TENM3: variants seen among roughly 807,000 people sequenced by gnomAD.
TENM3 encodes teneurin transmembrane protein 3.
Under a neutral mutation model 255.1 loss-of-function variants are expected in TENM3, and 63 were observed. The observed-to-expected ratio is 0.25, with a 90% CI of 0.20 to 0.30. TENM3 has a LOEUF of 0.30. Ranked by LOEUF, TENM3 falls within the 10% of genes least tolerant of loss-of-function variation. The pLI, the probability that TENM3 is intolerant of heterozygous loss-of-function variation, is 1.00. For missense variants in TENM3, 2,929 were observed against 3,461.1 expected (o/e 0.85, Z 3.86); for synonymous variants, 1,306 against 1,322.3 (o/e 0.99, Z 0.27).
At chr4:181,775,244 C>G in the TENM3 span, among the ~76,000 whole-genome samples, 1 of 152,152 alleles carries the variant, frequency 6.6e-6, no homozygotes, top group African/African-American at 2.4e-5. Flanking sequence ...GCTCACTCCT[C>G]TGGTCTCTTC....
chr4:181,499,530 G>A, the TENM3 span, among the ~76,000 whole-genome samples: 2 of 152,196 alleles, frequency 1.3e-5, no homozygotes, highest in Non-Finnish European at 2.9e-5. Flanking sequence ...GGGGCACAGA[G>A]GAGGGAGATG....
At chr4:181,841,569 T>TA in the TENM3 span, among the ~76,000 whole-genome samples, 1 of 152,224 alleles carries the variant, frequency 6.6e-6, no homozygotes, top group South Asian at 2.1e-4. Context: ...TTCTGGCACT[T>TA]ACGTGCTTTT....
At chr4:182,536,870 G>A (rs1319787677) in intron 3 of TENM3, among the ~76,000 whole-genome samples, 1 of 152,162 alleles carries the variant, frequency 6.6e-6, no homozygotes, top group Non-Finnish European at 1.5e-5. Flanking sequence ...TCATTTGTTT[G>A]TCAGATGGAA....
chr4:181,709,742 G>A, the TENM3 span, among the ~76,000 whole-genome samples: 4 of 152,372 alleles, frequency 2.6e-5, no homozygotes, highest in Non-Finnish European at 4.4e-5. Flanking sequence ...TGGGAGACTA[G>A]TTGGGAGTCG....
chr4:181,499,826 A>G, the TENM3 span, among the ~76,000 whole-genome samples: 2 of 152,192 alleles, frequency 1.3e-5, no homozygotes, highest in African/African-American at 4.8e-5. Context: ...TATACTTGGG[A>G]TAAAAGAGAT....
chr4:182,458,714 C>T (rs1774066170), intron 3 of TENM3, among the ~76,000 whole-genome samples: 1 of 152,052 alleles, frequency 6.6e-6, no homozygotes. Flanking sequence ...TTTATTTTTC[C>T]ATACATGTCC....
intron 13 of TENM3, among the ~76,000 whole-genome samples, chr4:182,719,823 G>A (rs1759559317): frequency 1.3e-5 from 2 of 152,158 alleles, no homozygotes. Context: ...CATTTAGGGA[G>A]GCTGAGGCAG....
chr4:182,035,053 C>G, the TENM3 span, among the ~76,000 whole-genome samples: 1 of 152,246 alleles, frequency 6.6e-6, no homozygotes, highest in Middle Eastern at 3.4e-3. Flanking sequence ...TACATAGTCT[C>G]ATGGTTCTTG....
At chr4:182,623,921 T>C (rs569729016) in intron 4 of TENM3, among the ~76,000 whole-genome samples, 100 of 152,336 alleles carry the variant, frequency 6.6e-4, no homozygotes, top group Admixed American at 1.1e-3. Flanking sequence ...TTAGAAATTA[T>C]GCTCAGGCAC....
At chr4:181,693,765 C>G in the TENM3 span, among the ~76,000 whole-genome samples, 10 of 152,244 alleles carry the variant, frequency 6.6e-5, no homozygotes, top group Non-Finnish European at 1.2e-4. Flanking sequence ...GGCAGAAGGA[C>G]TTGAAAGATT....
the TENM3 span, among the ~76,000 whole-genome samples, chr4:181,707,058 T>A: frequency 6.6e-6 from 1 of 152,168 alleles, no homozygotes; most frequent in Non-Finnish European, 1.5e-5. Context: ...CATACTGTTA[T>A]ATTCTCCAGG....
the TENM3 span, among the ~76,000 whole-genome samples, chr4:182,058,672 T>A: frequency 6.6e-6 from 1 of 152,170 alleles, no homozygotes; most frequent in Non-Finnish European, 1.5e-5. Flanking sequence ...TTCAATTGAA[T>A]AAAGAAATTA....
chr4:181,453,864 A>G, the TENM3 span, among the ~76,000 whole-genome samples: 1 of 152,130 alleles, frequency 6.6e-6, no homozygotes, highest in Non-Finnish European at 1.5e-5. Flanking sequence ...AGAAACTCAC[A>G]GGAGACCCTT....
At position 182,321,354 on chromosome 4, in the gene TENM3, G is replaced by A. The variant is rs34322319; in HGVS notation, c.-75-2592G>A. 6.0e-3 allele frequency among the ~76,000 whole-genome samples: 915 copies of A among 152,236 alleles called. 4 individuals carry two copies. The highest frequency in any genetic ancestry group is 0.012 in the South Asian group (56 of 4,826). On this transcript the variant is annotated intron_variant, in intron 1 of 27. Transcript: ENST00000511685. ...AAAATAACTTCTTGGGGCCGGGCGC[G>A]GTGGCTCACTCCTGTAATCCCAGCA...
chr4:181,723,537 C>T, the TENM3 span, among the ~76,000 whole-genome samples: 1 of 151,980 alleles, frequency 6.6e-6, no homozygotes, highest in Non-Finnish European at 1.5e-5. Flanking sequence ...GTATAGAACT[C>T]TAAGTTGGAA....
chr4:182,171,312 G>A (rs1018096724), intron 1 of TENM3, among the ~76,000 whole-genome samples: 1 of 152,066 alleles, frequency 6.6e-6, no homozygotes, highest in Non-Finnish European at 1.5e-5. Flanking sequence ...AAATCAGGGA[G>A]CTAGTCATAT....
At chr4:182,328,210 TTTTTTG>T (rs200758134) in intron 2 of TENM3, among the ~76,000 whole-genome samples, 5 of 152,040 alleles carry the variant, frequency 3.3e-5, no homozygotes, top group Non-Finnish European at 7.4e-5. Context: ...AAGGACTCTG[TTTTTTG>T]TTTTTGTTTT....
At chr4:182,258,400 T>A (rs1561251864) in intron 1 of TENM3, among the ~76,000 whole-genome samples, 1 of 152,174 alleles carries the variant, frequency 6.6e-6, no homozygotes, top group Non-Finnish European at 1.5e-5. Context: ...GCAGACTTAT[T>A]TTTCTGTCTT....
intron 5 of TENM3, among the ~76,000 whole-genome samples, chr4:182,633,567 G>A (rs941845839): frequency 2.0e-5 from 3 of 152,248 alleles, no homozygotes; most frequent in African/African-American, 7.2e-5. Flanking sequence ...ATCACCTTGA[G>A]ATGAGGTCAT....
Sources: gnomAD v4.1 joint callset for allele counts (sites outside exome capture counted in the v4.1 genomes callset) on GRCh38, gnomAD v4.1.1 for gene constraint, MANE v1.5 for transcripts, NCBI Gene and HGNC (gene_info 2026-07-23, HGNC 2026-07-21) for gene names.